Variants in CYP2C19 observed in about 807,000 individuals in gnomAD.
CYP2C19 encodes cytochrome P450 family 2 subfamily C member 19.
CYP2C19 carries 59 observed loss-of-function variants against 40.9 expected under a neutral mutation model. That is an observed-to-expected ratio of 1.44 (90% CI 1.17 to 1.79). The LOEUF is 1.79. Among genes scored for constraint, CYP2C19 ranks in the 40% most tolerant of loss-of-function variants. The pLI is 0.00. For synonymous variants in CYP2C19, 253 were observed against 208.7 expected, an observed-to-expected ratio of 1.21 and a Z score of -1.83; for missense variants, 754 against 596.9, an observed-to-expected ratio of 1.26 and a Z score of -2.74.
chr10:94,827,913 C>T lies in CYP2C19; in HGVS notation c.961+7276C>T, dbSNP rs928928516. Among the ~76,000 whole-genome samples, 48 of 151,894 alleles carry T rather than the reference C, an allele frequency of 3.2e-4. No individual in the cohort carries two copies. The East Asian group carries it at 8.0e-3, about 25-fold the overall frequency. Reference sequence around the variant, plus strand: ...AACATCTTTATTTCTGCCTTCATTTCGTTATGTACCCAGTAGTCATTCAGG... The same window carrying T: ...AACATCTTTATTTCTGCCTTCATTTTGTTATGTACCCAGTAGTCATTCAGG... On this transcript the variant is annotated intron_variant, in intron 6 of 8. Coordinates refer to ENST00000371321, the MANE Select transcript of CYP2C19 (RefSeq NM_000769.4).
intron 5 of CYP2C19, among the ~76,000 whole-genome samples, chr10:94,817,805 A>G (rs113340513): frequency 1.3e-5 from 2 of 152,090 alleles, no homozygotes; most frequent in African/African-American, 4.8e-5. Context: ...CGAGGTCAGG[A>G]GATCGAGACC....
intron 5 of CYP2C19, among the ~76,000 whole-genome samples, chr10:94,790,836 T>C (rs1232042581): frequency 6.6e-6 from 1 of 152,138 alleles, no homozygotes; most frequent in African/African-American, 2.4e-5. Flanking sequence ...TTCTCTTTTT[T>C]TGTGTGTCTC....
At position 94,842,959 on chromosome 10, in the gene CYP2C19, A is replaced by T. The variant is rs1276268278; in HGVS notation, c.1084A>T (p.Ile362Phe). Residue 362 changes from isoleucine to phenylalanine, a missense_variant, in exon 7 of 9, where the codon ATC becomes TTC. Physicochemically the swap from Ile to Phe is conservative, Grantham distance 21. Transcript: ENST00000371321. ...CGAGGTCCAGAGATACATCGACCTC[A>T]TCCCCACCAGCCTGCCCCATGCAGT... ...VHEVQRYIDLIPTSLPHAVTC... is the reference protein window; with the variant it reads ...VHEVQRYIDLFPTSLPHAVTC... 3 of 1,614,106 alleles carry T rather than the reference A, an allele frequency of 1.9e-6. No individual in the cohort carries two copies. The highest frequency in any genetic ancestry group is 2.5e-6 in the Non-Finnish European group (3 of 1,180,050).
chr10:94,837,454 A>G (rs747936567), intron 6 of CYP2C19, among the ~76,000 whole-genome samples: 2 of 152,090 alleles, frequency 1.3e-5, no homozygotes, highest in Non-Finnish European at 2.9e-5. Context: ...GGGACAACCA[A>G]TGGGTGTTCC....
chr10:94,830,008 G>A (rs563978632), intron 6 of CYP2C19, among the ~76,000 whole-genome samples: 28 of 152,198 alleles, frequency 1.8e-4, no homozygotes, highest in East Asian at 9.7e-4. Context: ...GGCAGTCTGC[G>A]CATTCTCAGA....
chr10:94,766,330 A>G (rs551910329), intron 1 of CYP2C19, among the ~76,000 whole-genome samples: 2 of 152,056 alleles, frequency 1.3e-5, no homozygotes, highest in African/African-American at 4.8e-5. Context: ...AGCAGGAGGG[A>G]TAGATAGGCA....
rs138147378 is a variant in CYP2C19 at position 94,789,586 on chromosome 10, A to G, written c.819+7589A>G. On this transcript the variant is annotated intron_variant, in intron 5 of 8. Coordinates refer to ENST00000371321, the MANE Select transcript of CYP2C19 (RefSeq NM_000769.4). Reference sequence around the variant, plus strand: ...ATGGTTAGCCAGTTTTCCCAACACCATTTATTAAAAAGGGAATCCTTCCCC... The same window carrying G: ...ATGGTTAGCCAGTTTTCCCAACACCGTTTATTAAAAAGGGAATCCTTCCCC... Among the ~76,000 whole-genome samples the G allele has an allele frequency of 4.7e-3, 712 of 152,204 alleles. 3 individuals carry two copies. The highest frequency in any genetic ancestry group is 0.017 in the African/African-American group (689 of 41,544).
At chr10:94,847,290 A>G (rs1849585986) in intron 7 of CYP2C19, among the ~76,000 whole-genome samples, 1 of 151,892 alleles carries the variant, frequency 6.6e-6, no homozygotes, top group South Asian at 2.1e-4. Context: ...ATGTGTTCTC[A>G]TTGTTCAATT....
intron 6 of CYP2C19, among the ~76,000 whole-genome samples, chr10:94,830,649 G>T (rs1454807897): frequency 6.6e-6 from 1 of 152,112 alleles, no homozygotes. Context: ...GTAGACCAGA[G>T]CTGTTCCTAT....
rs574319254 is a variant in CYP2C19, at chr10:94,785,710, G to A, written c.819+3713G>A. On this transcript the variant is annotated intron_variant, in intron 5 of 8. Transcript: ENST00000371321. Reference sequence around the variant, plus strand: ...CAACCCTAAATCATTGTCTGGCAAAGAGCATCGCGTAAAATCGAGCTGCAG... The same window carrying A: ...CAACCCTAAATCATTGTCTGGCAAAAAGCATCGCGTAAAATCGAGCTGCAG... 8.5e-5 allele frequency among the ~76,000 whole-genome samples: 13 copies of A among 152,202 alleles called. No homozygotes were observed. The South Asian group carries it at 2.5e-3, about 29-fold the overall frequency.
At chr10:94,817,547 G>A (rs1318735000) in intron 5 of CYP2C19, among the ~76,000 whole-genome samples, 2 of 144,890 alleles carry the variant, frequency 1.4e-5, no homozygotes, top group African/African-American at 2.6e-5. Flanking sequence ...CACTCTGATG[G>A]TAGTTTCTTT....
chr10:94,819,015 A>G (rs1021438354), intron 5 of CYP2C19, among the ~76,000 whole-genome samples: 1 of 150,078 alleles, frequency 6.7e-6, no homozygotes, highest in African/African-American at 2.4e-5. Context: ...CAAATGTAAA[A>G]GAACAGAAAT....
At chr10:94,801,768 A>G (rs7911008) in intron 5 of CYP2C19, among the ~76,000 whole-genome samples, 26,801 of 152,018 alleles carry the variant, frequency 0.18, 2,617 homozygotes, top group South Asian at 0.33. Flanking sequence ...ATGAATCTGG[A>G]TGCCCCTGTA....
intron 5 of CYP2C19, among the ~76,000 whole-genome samples, chr10:94,798,746 G>T (rs943023023): frequency 2.0e-5 from 3 of 150,928 alleles, no homozygotes; most frequent in Non-Finnish European, 4.4e-5. Flanking sequence ...TTATGTAATG[G>T]CCTTTGTCTG....
chr10:94,812,020 T>A (rs1340374947), intron 5 of CYP2C19, among the ~76,000 whole-genome samples: 2 of 152,328 alleles, frequency 1.3e-5, no homozygotes, highest in Admixed American at 1.3e-4. Flanking sequence ...TCCCAGTTGA[T>A]CCTTTCCATA....
chr10:94,784,970 C>G (rs7081643), intron 5 of CYP2C19, among the ~76,000 whole-genome samples: 30,546 of 152,036 alleles, frequency 0.2, 3,300 homozygotes, highest in Middle Eastern at 0.23. Flanking sequence ...TGTATATCTT[C>G]TTTGGAGAAA....
chr10:94,765,217 C>A (rs1305629529), intron 1 of CYP2C19, among the ~76,000 whole-genome samples: 1 of 152,012 alleles, frequency 6.6e-6, no homozygotes, highest in African/African-American at 2.4e-5. Flanking sequence ...ATTCCTAACC[C>A]TATAAGTAGG....
chr10:94,824,442 T>C (rs550595980), intron 6 of CYP2C19, among the ~76,000 whole-genome samples: 2 of 152,282 alleles, frequency 1.3e-5, no homozygotes, highest in African/African-American at 4.8e-5. Context: ...AAATGGTAGA[T>C]TTGGAAAGTG....
chr10:94,824,583 A>C lies in CYP2C19; in HGVS notation c.961+3946A>C, dbSNP rs1849183503. The stretch of plus-strand genomic sequence containing the variant: ...ATGTTTAAACGTGTTATTTTGATGT[A>C]AAATTAATTCCTGTTTTTTTCCAAG... On this transcript the variant is annotated intron_variant, in intron 6 of 8. Coordinates refer to ENST00000371321, the MANE Select transcript of CYP2C19 (RefSeq NM_000769.4). 3.3e-5 allele frequency among the ~76,000 whole-genome samples: 5 copies of C among 152,312 alleles called. No homozygotes were observed. In the South Asian group the frequency reaches 1.0e-3, roughly 32 times the overall value.
Sources: allele counts gnomAD v4.1 joint callset (sites outside exome capture counted in the v4.1 genomes callset), GRCh38; gene constraint gnomAD v4.1.1; transcripts MANE v1.5; gene names NCBI Gene and HGNC (gene_info 2026-07-23, HGNC 2026-07-21).